Variants in DYM observed in about 807,000 individuals in gnomAD.
The protein encoded by DYM is dyggve-Melchior-Clausen syndrome protein.
Under a neutral mutation model 93.1 loss-of-function variants are expected in DYM, and 78 were observed. That is an observed-to-expected ratio of 0.84 (90% CI 0.70 to 1.01). DYM has a LOEUF of 1.01. DYM is among the 50% of genes least tolerant of loss of function. The pLI, the probability that DYM is intolerant of heterozygous loss-of-function variation, is 0.00. For synonymous variants in DYM, 321 were observed against 319.7 expected (o/e 1.00, Z -0.04); for missense variants, 789 against 845.0 (o/e 0.93, Z 0.82).
intron 17 of DYM, among the ~76,000 whole-genome samples, chr18:49,067,987 A>G (rs2076605256): frequency 6.6e-6 from 1 of 152,214 alleles, no homozygotes; most frequent in Non-Finnish European, 1.5e-5. Flanking sequence ...GGATAGGTCA[A>G]TGAAAGAGAA....
At chr18:49,157,453 C>G (rs1020556547) in intron 15 of DYM, among the ~76,000 whole-genome samples, 1 of 152,152 alleles carries the variant, frequency 6.6e-6, no homozygotes, top group African/African-American at 2.4e-5. Flanking sequence ...CTCAAAAGAA[C>G]CCCAGGTGTT....
At chr18:49,100,328 TC>T (rs768786145) in intron 16 of DYM, among the ~76,000 whole-genome samples, 27 of 152,094 alleles carry the variant, frequency 1.8e-4, no homozygotes, top group Non-Finnish European at 3.5e-4. Flanking sequence ...TAAAGGGAAC[TC>T]ACAGTATTCA....
chr18:49,222,515 A>T lies in DYM; in HGVS notation c.1461-12800T>A, dbSNP rs1407661938. On this transcript the variant is annotated intron_variant, in intron 13 of 17. Coordinates refer to ENST00000675505, the MANE Select transcript of DYM (RefSeq NM_001353214.3). ...ATAAATGCAGTCCTGTCAAAAAGAC[A>T]TAAGAGGCAACATAAGGGATCTCCC... Among the ~76,000 whole-genome samples, 3 of 152,316 alleles carry T rather than the reference A, an allele frequency of 2.0e-5. No individual in the cohort carries two copies. In the East Asian group the frequency reaches 5.8e-4, roughly 29 times the overall value.
chr18:49,225,862 T>G (rs558750857), intron 13 of DYM, among the ~76,000 whole-genome samples: 5 of 152,278 alleles, frequency 3.3e-5, no homozygotes, highest in African/African-American at 1.2e-4. Context: ...AAATAGCAAT[T>G]TTATAATATC....
intron 14 of DYM, among the ~76,000 whole-genome samples, chr18:49,174,697 G>C (rs564704374): frequency 4.7e-4 from 72 of 152,248 alleles, no homozygotes; most frequent in African/African-American, 1.7e-3. Context: ...TTACTAACTA[G>C]AAAGGGTGAG....
intron 16 of DYM, among the ~76,000 whole-genome samples, chr18:49,103,769 A>G (rs1388479107): frequency 6.6e-6 from 1 of 152,036 alleles, no homozygotes; most frequent in African/African-American, 2.4e-5. Context: ...CCATTGGTCT[A>G]TGTCTCTGTT....
At chr18:49,095,349 G>C (rs1387658426) in intron 17 of DYM, among the ~76,000 whole-genome samples, 1 of 151,990 alleles carries the variant, frequency 6.6e-6, no homozygotes, top group African/African-American at 2.4e-5. Flanking sequence ...AACATCTGTG[G>C]TAATAATATG....
intron 5 of DYM, among the ~76,000 whole-genome samples, chr18:49,365,588 C>A (rs1240954143): frequency 6.6e-6 from 1 of 152,166 alleles, no homozygotes; most frequent in Non-Finnish European, 1.5e-5. Flanking sequence ...TGTACGTTTG[C>A]TAAATGGTCA....
chr18:49,335,686 A>G (rs1322668979), intron 6 of DYM, among the ~76,000 whole-genome samples: 1 of 152,222 alleles, frequency 6.6e-6, no homozygotes, highest in Non-Finnish European at 1.5e-5. Context: ...TCTCCTGGCT[A>G]GGCTTTTCAC....
intron 8 of DYM, among the ~76,000 whole-genome samples, chr18:49,299,587 A>C (rs923194426): frequency 6.6e-6 from 1 of 152,150 alleles, no homozygotes; most frequent in Non-Finnish European, 1.5e-5. Context: ...TTTCCTGCTA[A>C]ACTGTGGGTT....
intron 3 of DYM, among the ~76,000 whole-genome samples, chr18:49,380,845 G>T (rs1453484657): frequency 6.6e-6 from 1 of 152,164 alleles, no homozygotes; most frequent in Non-Finnish European, 1.5e-5. Context: ...TTTTCAAAAT[G>T]TGAGATTCCA....
chr18:49,357,912 G>A (rs867654113), intron 6 of DYM, among the ~76,000 whole-genome samples: 1 of 152,186 alleles, frequency 6.6e-6, no homozygotes, highest in African/African-American at 2.4e-5. Flanking sequence ...CACTTTAGGA[G>A]GCCAAGGCAG....
At chr18:49,074,887 C>T (rs754645451) in intron 17 of DYM, among the ~76,000 whole-genome samples, 4 of 152,118 alleles carry the variant, frequency 2.6e-5, no homozygotes, top group Non-Finnish European at 5.9e-5. Flanking sequence ...ATTCAGAAGC[C>T]AGATGTGGGT....
At chr18:49,080,867 G>A (rs1331655599) in intron 17 of DYM, among the ~76,000 whole-genome samples, 1 of 151,818 alleles carries the variant, frequency 6.6e-6, no homozygotes, top group Non-Finnish European at 1.5e-5. Flanking sequence ...CAGACGGGGT[G>A]GCGGCCGGGC....
chr18:49,039,555 T>C lies in DYM; in HGVS notation c.*4500A>G, dbSNP rs1477441088. Among the ~76,000 whole-genome samples, 1 of 152,170 alleles carries C rather than the reference T, an allele frequency of 6.6e-6. No homozygotes were observed. Among genetic ancestry groups the C allele is most frequent in the Non-Finnish European group, 1.5e-5 (1 of 68,034 alleles). On this transcript the variant is annotated 3_prime_UTR_variant, in exon 18 of 18. Transcript: ENST00000675505. ...GTCTGAGCAGGTCAGACATGCTCAC[T>C]GTACCCTTTAAGTCTCTTACCCTCT...
chr18:49,416,911 T>G (rs1229332178), intron 2 of DYM, among the ~76,000 whole-genome samples: 4 of 152,168 alleles, frequency 2.6e-5, no homozygotes, highest in Admixed American at 6.5e-5. Flanking sequence ...CTTTCATAGT[T>G]AGAGCCCCTA....
chr18:49,400,725 C>T (rs1046851581), intron 2 of DYM, among the ~76,000 whole-genome samples: 4 of 152,186 alleles, frequency 2.6e-5, no homozygotes, highest in African/African-American at 9.7e-5. Context: ...ATTAGAATTC[C>T]TTTCCTTTCA....
chr18:49,298,166 TC>T (rs142780417), intron 8 of DYM, among the ~76,000 whole-genome samples: 48,257 of 151,876 alleles, frequency 0.32, 8,895 homozygotes, highest in Middle Eastern at 0.47. Flanking sequence ...CCATCCTGTC[TC>T]CCAAAAGGAA....
intron 8 of DYM, among the ~76,000 whole-genome samples, chr18:49,318,785 TTATTTC>T (rs1274439975): frequency 6.0e-5 from 9 of 150,852 alleles, no homozygotes; most frequent in African/African-American, 1.7e-4. Context: ...ACAGGTAACA[TTATTTC>T]TTTTTCTTTT....
Sources: allele counts gnomAD v4.1 joint callset (sites outside exome capture counted in the v4.1 genomes callset), GRCh38; gene constraint gnomAD v4.1.1; transcripts MANE v1.5; gene names NCBI Gene and HGNC (gene_info 2026-07-23, HGNC 2026-07-21).